ZFHX3: variants seen among roughly 807,000 people sequenced by gnomAD.
ZFHX3 encodes the protein zinc finger homeobox protein 3.
ZFHX3 carries 42 observed loss-of-function variants against 279.1 expected under a neutral mutation model. That is an observed-to-expected ratio of 0.15 (90% CI 0.12 to 0.19). The LOEUF (loss-of-function observed/expected upper bound fraction) is 0.19, where lower values mean the gene tolerates loss of function less well. ZFHX3 is among the 10% of genes least tolerant of loss of function. The pLI, the probability that ZFHX3 is intolerant of heterozygous loss-of-function variation, is 1.00. For missense variants in ZFHX3, 4,981 were observed against 4,754.0 expected (o/e 1.05, Z -1.40); for synonymous variants, 2,293 against 1,957.8 (o/e 1.17, Z -4.52).
At chr16:73,048,263 G>A (rs1226761996), upstream of ZFHX3, 1 of 151,950 alleles carries the variant, frequency 6.6e-6, no homozygotes, top group Admixed American at 6.6e-5. Context: ...GCTGCCGCTC[G>A]GCTCCCCGGG....
intron 7 of ZFHX3, 140 bp downstream of exon 7, chr16:72,811,437 G>A (rs955113310): frequency 1.1e-6 from 1 of 944,682 alleles, no homozygotes; most frequent in East Asian, 2.7e-5. Context: ...TACAACAAAG[G>A]TCACAGAACA....
intron 2 of ZFHX3, chr16:73,504,390 G>A (rs1467282787): frequency 6.6e-6 from 1 of 152,040 alleles, no homozygotes; most frequent in African/African-American, 2.4e-5. Flanking sequence ...TCCCCAAACT[G>A]TTTTTCCTTT....
chr16:73,313,430 C>T (rs992886386), intron 4 of ZFHX3, among the ~76,000 whole-genome samples: 2 of 152,244 alleles, frequency 1.3e-5, no homozygotes, highest in South Asian at 2.1e-4. Context: ...GTATGTACTA[C>T]GTGTCAAAAA....
chr16:73,539,358 C>G (rs949344666), intron 2 of ZFHX3, among the ~76,000 whole-genome samples: 2 of 151,320 alleles, frequency 1.3e-5, no homozygotes, highest in African/African-American at 4.9e-5. Context: ...CCCCAACCCC[C>G]TGAACATTTC....
intron 1 of ZFHX3, among the ~76,000 whole-genome samples, chr16:73,005,007 A>G (rs1195081362): frequency 6.6e-6 from 1 of 152,212 alleles, no homozygotes; most frequent in Non-Finnish European, 1.5e-5. Context: ...TAATTTTATA[A>G]TACGAGAGGC....
chr16:72,944,463 T>A (rs1960565114), intron 3 of ZFHX3, among the ~76,000 whole-genome samples: 1 of 152,068 alleles, frequency 6.6e-6, no homozygotes, highest in Admixed American at 6.6e-5. Flanking sequence ...GACAGTAAAG[T>A]CAGAAAGTAG....
intron 2 of ZFHX3, among the ~76,000 whole-genome samples, chr16:73,651,563 C>T (rs759303605): frequency 2.0e-5 from 3 of 150,862 alleles, no homozygotes; most frequent in Non-Finnish European, 4.4e-5. Context: ...CAAGGCCGGG[C>T]ACGGTGGCTC....
intron 3 of ZFHX3, among the ~76,000 whole-genome samples, chr16:72,946,327 G>A (rs1273673295): frequency 1.3e-5 from 2 of 152,142 alleles, no homozygotes; most frequent in East Asian, 1.9e-4. Context: ...ACTCAACACC[G>A]TGGTAGACAA....
At chr16:73,003,667 C>T (rs942238442) in intron 1 of ZFHX3, among the ~76,000 whole-genome samples, 4 of 152,114 alleles carry the variant, frequency 2.6e-5, no homozygotes, top group Admixed American at 1.3e-4. Flanking sequence ...GACTGCACTA[C>T]TGCACTCCAG....
At chr16:72,810,039 C>T (rs969521894) in intron 7 of ZFHX3, among the ~76,000 whole-genome samples, 3 of 150,866 alleles carry the variant, frequency 2.0e-5, no homozygotes, top group Non-Finnish European at 4.4e-5. Flanking sequence ...CCACCACGCC[C>T]GGCTAATTTT....
intron 3 of ZFHX3, among the ~76,000 whole-genome samples, chr16:73,352,142 A>G (rs1488399119): frequency 6.6e-6 from 1 of 152,164 alleles, no homozygotes; most frequent in East Asian, 1.9e-4. Context: ...TACTGGTACT[A>G]TCTTTTATAC....
At chr16:73,842,758 C>T (rs1379604060) in intron 1 of ZFHX3, among the ~76,000 whole-genome samples, 5 of 152,136 alleles carry the variant, frequency 3.3e-5, no homozygotes, top group Admixed American at 6.6e-5. Flanking sequence ...GTAGGGGCTG[C>T]GCAACCACCA....
chr16:73,431,508 T>G (rs2017911577), intron 3 of ZFHX3, among the ~76,000 whole-genome samples: 1 of 152,154 alleles, frequency 6.6e-6, no homozygotes, highest in Non-Finnish European at 1.5e-5. Context: ...ACCACTGCAT[T>G]CCAGCCTGGG....
intron 3 of ZFHX3, among the ~76,000 whole-genome samples, chr16:72,936,583 G>C (rs1960137754): frequency 6.6e-6 from 1 of 152,204 alleles, no homozygotes; most frequent in Admixed American, 6.5e-5. Flanking sequence ...AGAACAGCAA[G>C]TGCAAAGGCC....
At chr16:72,841,502 C>CT (rs1660121987) in intron 4 of ZFHX3, among the ~76,000 whole-genome samples, 1 of 152,202 alleles carries the variant, frequency 6.6e-6, no homozygotes, top group Non-Finnish European at 1.5e-5. Flanking sequence ...TCTTTAGAAA[C>CT]TTAGAAAGTG....
intron 2 of ZFHX3, among the ~76,000 whole-genome samples, chr16:73,640,491 A>C (rs2052563960): frequency 6.6e-6 from 1 of 152,218 alleles, no homozygotes. Flanking sequence ...AAGTAGAAGT[A>C]ATATTTTTAG....
At chr16:73,202,100 G>T (rs933815599) in intron 5 of ZFHX3, among the ~76,000 whole-genome samples, 8 of 152,072 alleles carry the variant, frequency 5.3e-5, no homozygotes, top group African/African-American at 1.9e-4. Context: ...TAAATGTAAA[G>T]ATCTCAGCTC....
intron 4 of ZFHX3, among the ~76,000 whole-genome samples, chr16:72,844,840 A>G (rs1238098115): frequency 6.6e-6 from 1 of 152,144 alleles, no homozygotes; most frequent in Non-Finnish European, 1.5e-5. Flanking sequence ...AGAGGCAAGT[A>G]GACTGCCCCG....
intron 1 of ZFHX3, among the ~76,000 whole-genome samples, chr16:73,805,226 T>C (rs1316715157): frequency 6.6e-6 from 1 of 152,202 alleles, no homozygotes; most frequent in Non-Finnish European, 1.5e-5. Flanking sequence ...TGGAGTGCAA[T>C]GGCACAACCT....
Sources: gnomAD v4.1 joint callset for allele counts (sites outside exome capture counted in the v4.1 genomes callset) on GRCh38, gnomAD v4.1.1 for gene constraint, MANE v1.5 for transcripts, NCBI Gene and HGNC (gene_info 2026-07-23, HGNC 2026-07-21) for gene names.